LMOD1: variants seen among roughly 807,000 people sequenced by gnomAD.
LMOD1 encodes the protein leiomodin 1.
A neutral mutation model predicts 36.5 loss-of-function variants in LMOD1; 8 were observed. The observed-to-expected ratio is 0.22, with a 90% confidence interval of 0.13 to 0.40. The LOEUF (loss-of-function observed/expected upper bound fraction) is 0.40, where lower values mean the gene tolerates loss of function less well. Ranked by LOEUF, LMOD1 falls within the 10% of genes least tolerant of loss-of-function variation. The pLI is 1.00. For missense variants in LMOD1, 630 were observed against 751.1 expected (o/e 0.84, Z 1.88); for synonymous variants, 284 against 288.7 (o/e 0.98, Z 0.17).
chr1:201,922,967 G>A (rs2102921205), intron 1 of LMOD1, among the ~76,000 whole-genome samples: 1 of 152,132 alleles, frequency 6.6e-6, no homozygotes, highest in South Asian at 2.1e-4. Flanking sequence ...TGGGATTACA[G>A]GTGCGCACCA....
In LMOD1 at chr1:201,946,205, G is replaced by A. The variant is rs1682209179; in HGVS notation, c.136C>T (p.Pro46Ser). ...TGGTTTCTCTGCCGCAGCCCCACGG[G>A]AACACTCCCGTCTGGGTCCACCACG... ...LDVVDPDGSV[P>S]VGLRQRNQTE... Residue 46 changes from proline to serine, a missense_variant, in exon 1 of 3, where the codon CCC (proline) becomes TCC (serine). By Grantham distance (74) the Pro-to-Ser change is moderately conservative. Transcript: ENST00000367288. The A allele has an allele frequency of 6.2e-7, 1 of 1,613,966 alleles. No homozygotes were observed.
rs58506647 is a variant in LMOD1 at position 201,910,744 on chromosome 1, C to CTTTTTTTTTTTTTTTTTTTTT, written c.262-10014_262-9994dup. Among the ~76,000 whole-genome samples, 3 of 49,050 alleles carry CTTTTTTTTTTTTTTTTTTTTT rather than the reference C, an allele frequency of 6.1e-5. 1 individual carries two copies. Among genetic ancestry groups the CTTTTTTTTTTTTTTTTTTTTT allele is most frequent in the Non-Finnish European group, 1.0e-4 (3 of 29,146 alleles). 32.2% of individuals were successfully genotyped at this position (49,050 alleles called of 152,430 possible). Reference sequence around the variant, plus strand: ...TTCCCCTTTTGCAGATGGTGTCATTCTTTTTTTTTTTTTTTTTTTTTTTTT... The same window carrying CTTTTTTTTTTTTTTTTTTTTT: ...TTCCCCTTTTGCAGATGGTGTCATTCTTTTTTTTTTTTTTTTTTTTTTTTTTTTTTTTTTTTTTTTTTTTTT... On this transcript the variant is annotated intron_variant, in intron 1 of 2. Coordinates refer to ENST00000367288, the MANE Select transcript of LMOD1 (RefSeq NM_012134.3).
chr1:201,928,133 C>G (rs184330311), intron 1 of LMOD1, among the ~76,000 whole-genome samples: 16 of 152,264 alleles, frequency 1.1e-4, no homozygotes, highest in Admixed American at 1.0e-3. Flanking sequence ...AGATACAGGC[C>G]CTTGATCTTG....
chr1:201,943,712 T>C (rs377240509), intron 1 of LMOD1, among the ~76,000 whole-genome samples: 2 of 152,196 alleles, frequency 1.3e-5, no homozygotes, highest in East Asian at 3.8e-4. Context: ...AATAATTTCA[T>C]AGCTGGCCTT....
At chr1:201,911,794 T>C (rs1681501136) in intron 1 of LMOD1, among the ~76,000 whole-genome samples, 2 of 152,174 alleles carry the variant, frequency 1.3e-5, no homozygotes, top group South Asian at 4.1e-4. Flanking sequence ...TCCCCAGTGC[T>C]TGGCAATGAG....
At chr1:201,900,788 T>A in intron 1 of LMOD1, 37 bp from the exon 2 acceptor site, 1 of 1,537,454 alleles carries the variant, frequency 6.5e-7, no homozygotes. Context: ...CATGAAAAGC[T>A]GGCTACAGAG....
intron 1 of LMOD1, among the ~76,000 whole-genome samples, chr1:201,908,087 G>A (rs1189632800): frequency 1.3e-5 from 2 of 152,198 alleles, no homozygotes; most frequent in African/African-American, 2.4e-5. Context: ...CAAAAGGCCA[G>A]CAGCCCCTTT....
At chr1:201,916,939 C>G (rs915689637) in intron 1 of LMOD1, among the ~76,000 whole-genome samples, 1 of 152,084 alleles carries the variant, frequency 6.6e-6, no homozygotes, top group African/African-American at 2.4e-5. Flanking sequence ...CAATGGCAGC[C>G]AAGAAAAGGG....
intron 1 of LMOD1, among the ~76,000 whole-genome samples, chr1:201,927,047 G>A (rs1165298428): frequency 2.0e-5 from 3 of 152,146 alleles, no homozygotes; most frequent in Non-Finnish European, 4.4e-5. Context: ...CCCACGTTTT[G>A]CATACTGTCT....
intron 1 of LMOD1, among the ~76,000 whole-genome samples, chr1:201,901,966 A>T (rs113961678): frequency 1.3e-4 from 14 of 110,454 alleles, no homozygotes; most frequent in South Asian, 7.6e-4. Context: ...TATTATTATT[A>T]TTTTTTTTTT....
At chr1:201,906,529 C>A (rs550050537) in intron 1 of LMOD1, among the ~76,000 whole-genome samples, 1 of 152,166 alleles carries the variant, frequency 6.6e-6, no homozygotes, top group African/African-American at 2.4e-5. Flanking sequence ...GAAGAGCTGA[C>A]TATGGGCTGG....
intron 1 of LMOD1, among the ~76,000 whole-genome samples, chr1:201,914,558 G>A (rs973951612): frequency 5.3e-5 from 8 of 151,920 alleles, no homozygotes; most frequent in African/African-American, 1.9e-4. Context: ...GCATCTATCC[G>A]AATTCTTCTC....
chr1:201,929,601 T>C (rs562725848), intron 1 of LMOD1, among the ~76,000 whole-genome samples: 1 of 152,362 alleles, frequency 6.6e-6, no homozygotes, highest in African/African-American at 2.4e-5. Context: ...TCTTTCTTCA[T>C]TTGAGAAGTT....
At chr1:201,898,618 G>A (rs1681233581) in intron 2 of LMOD1, among the ~76,000 whole-genome samples, 4 of 152,164 alleles carry the variant, frequency 2.6e-5, no homozygotes, top group Non-Finnish European at 5.9e-5. Context: ...ATGATACCTT[G>A]TCCCAGATGA....
At chr1:201,924,940 C>T (rs993058864) in intron 1 of LMOD1, among the ~76,000 whole-genome samples, 2 of 152,160 alleles carry the variant, frequency 1.3e-5, no homozygotes, top group East Asian at 1.9e-4. Flanking sequence ...TCCGGCTGAG[C>T]GTGGTGGCTC....
intron 1 of LMOD1, among the ~76,000 whole-genome samples, chr1:201,935,771 G>C (rs1052674832): frequency 2.6e-5 from 4 of 151,282 alleles, no homozygotes; most frequent in African/African-American, 9.7e-5. Flanking sequence ...TGGCCAGGCT[G>C]GTCTTGAACT....
chr1:201,921,150 A>G (rs1304467765), intron 1 of LMOD1, among the ~76,000 whole-genome samples: 1 of 151,980 alleles, frequency 6.6e-6, no homozygotes, highest in Non-Finnish European at 1.5e-5. Flanking sequence ...GAGATGATCA[A>G]CTGTTTTGGC....
chr1:201,908,091 C>T (rs1422153010), intron 1 of LMOD1, among the ~76,000 whole-genome samples: 2 of 152,200 alleles, frequency 1.3e-5, no homozygotes, highest in Non-Finnish European at 2.9e-5. Context: ...AGGCCAGCAG[C>T]CCCTTTCTTA....
In LMOD1 at chr1:201,900,308, C is replaced by T. The variant is rs753545673; in HGVS notation, c.705G>A (p.Glu235=). The change falls in exon 2 of 3, where the codon GAG becomes GAA. Residue 235 remains glutamate, a synonymous_variant. Coordinates refer to ENST00000367288, the MANE Select transcript of LMOD1 (RefSeq NM_012134.3). ...GERRNTDTRK[E]GEKMKRAGGN... ...CACCTGCTCTTTTCATCTTCTCACC[C>T]TCTTTTCTGGTGTCTGTGTTCCTAC... 17 of 1,602,896 alleles carry T rather than the reference C, an allele frequency of 1.1e-5. No individual in the cohort carries two copies. The highest frequency in any genetic ancestry group is 1.4e-5 in the Non-Finnish European group (16 of 1,174,156).
Sources: allele counts gnomAD v4.1 joint callset (sites outside exome capture counted in the v4.1 genomes callset), GRCh38; gene constraint gnomAD v4.1.1; transcripts MANE v1.5; gene names NCBI Gene and HGNC (gene_info 2026-07-23, HGNC 2026-07-21).